The following RHOBTB1 variants were observed in gnomAD, a reference collection of about 807,000 sequenced individuals.
RHOBTB1 encodes the protein Rho related BTB domain containing 1, also known as rho-related BTB domain-containing protein 1.
In RHOBTB1, 40 loss-of-function variants were observed where a neutral mutation model predicts 71.6. That is an observed-to-expected ratio of 0.56 (90% CI 0.43 to 0.73). The LOEUF (loss-of-function observed/expected upper bound fraction) is 0.73, where lower values mean the gene tolerates loss of function less well. Ranked by LOEUF, RHOBTB1 falls within the 30% of genes least tolerant of loss-of-function variation. The pLI is 0.00. For synonymous variants in RHOBTB1, 319 were observed against 334.9 expected (o/e 0.95, Z 0.52); for missense variants, 797 against 894.0 (o/e 0.89, Z 1.38).
chr10:60,915,766 C>A (rs2083238834), intron 2 of RHOBTB1, among the ~76,000 whole-genome samples: 2 of 152,136 alleles, frequency 1.3e-5, no homozygotes, highest in African/African-American at 4.8e-5. Context: ...CCTATACCTG[C>A]CCGCTATTAT....
rs150437557 is a variant in RHOBTB1 at position 60,957,459 on chromosome 10, T to TG, written c.-61-15606dup. Among the ~76,000 whole-genome samples, 1,129 of 152,306 alleles carry TG rather than the reference T, an allele frequency of 7.4e-3. 8 individuals are homozygous for TG. Among genetic ancestry groups the TG allele is most frequent in the African/African-American group, 0.026 (1,081 of 41,570 alleles). ...GTCGTATGTGCTGTTCACAGTTGACTGAAATGTCATTATATGGTGCAGGAC... is the reference window on the plus strand; with the variant it reads ...GTCGTATGTGCTGTTCACAGTTGACTGGAAATGTCATTATATGGTGCAGGAC... On this transcript the variant is annotated intron_variant, in intron 2 of 11. Coordinates refer to the RHOBTB1 transcript ENST00000357917.
In RHOBTB1 at chr10:60,990,044, G is replaced by A. The variant is rs186783420; in HGVS notation, c.-162-4099C>T. Among the ~76,000 whole-genome samples the A allele has an allele frequency of 8.4e-4, 124 of 147,440 alleles. 2 individuals carry two copies. In the East Asian group the frequency reaches 8.9e-3, roughly 11 times the overall value. On this transcript the variant is annotated intron_variant, in intron 1 of 11. Transcript: ENST00000357917. ...GTCGCCTAGGCTGGAGTGCAGTGGC[G>A]CGATCTCGGCTCACTGCAAGCTCCG... is the stretch of plus-strand genomic sequence containing the variant.
At chr10:60,933,092 C>A (rs1290665095) in intron 2 of RHOBTB1, among the ~76,000 whole-genome samples, 1 of 152,182 alleles carries the variant, frequency 6.6e-6, no homozygotes, top group Non-Finnish European at 1.5e-5. Flanking sequence ...AACGTTAGAC[C>A]ATAAATGCAA....
intron 7 of RHOBTB1, 55 bp downstream of exon 7, chr10:60,886,057 C>T: frequency 7.7e-7 from 1 of 1,297,324 alleles, no homozygotes; most frequent in East Asian, 2.3e-5. Context: ...TATATAAATA[C>T]ACAGGCACAC....
intron 2 of RHOBTB1, among the ~76,000 whole-genome samples, chr10:60,972,596 G>A (rs1407327748): frequency 2.0e-5 from 3 of 152,010 alleles, no homozygotes; most frequent in Admixed American, 1.3e-4. Context: ...ATGACAGGTT[G>A]ATGGGTGCAG....
chr10:60,894,760 T>C (rs754215497), intron 4 of RHOBTB1, among the ~76,000 whole-genome samples: 28 of 152,218 alleles, frequency 1.8e-4, no homozygotes, highest in Non-Finnish European at 3.7e-4. Flanking sequence ...TGAGGAAATA[T>C]ATCCAGCACC....
intron 2 of RHOBTB1, among the ~76,000 whole-genome samples, chr10:60,936,068 A>G (rs919958560): frequency 2.0e-5 from 3 of 152,262 alleles, no homozygotes; most frequent in Non-Finnish European, 2.9e-5. Flanking sequence ...TATGAATAGT[A>G]CATTTGAAAA....
At chr10:60,873,746 C>T (rs574389566) in intron 9 of RHOBTB1, among the ~76,000 whole-genome samples, 1 of 152,344 alleles carries the variant, frequency 6.6e-6, no homozygotes, top group South Asian at 2.1e-4. Flanking sequence ...GATTCGACTG[C>T]ATTAGATGTC....
intron 2 of RHOBTB1, among the ~76,000 whole-genome samples, chr10:60,923,650 CA>C (rs1288894321): frequency 1.3e-5 from 2 of 152,178 alleles, no homozygotes; most frequent in Non-Finnish European, 2.9e-5. Context: ...ATCCAAATCT[CA>C]TCCTGAATTG....
chr10:60,907,789 C>T (rs561930150), intron 4 of RHOBTB1, among the ~76,000 whole-genome samples: 2 of 152,148 alleles, frequency 1.3e-5, no homozygotes, highest in Non-Finnish European at 2.9e-5. Context: ...TGTAGGGTCC[C>T]AGTAGGTTGA....
rs557233510 is a variant in RHOBTB1, at chr10:60,880,965, T to C, written c.1576-2907A>G. ...AATAATGTTTGGATTAGTGATATGG[T>C]TTGGCTGTGCCCCACTCAAATCCCA... On this transcript the variant is annotated intron_variant, in intron 7 of 10. Coordinates refer to ENST00000337910, the MANE Select transcript of RHOBTB1 (RefSeq NM_014836.5). Among the ~76,000 whole-genome samples, 239 of 152,364 alleles carry C rather than the reference T, an allele frequency of 1.6e-3. 2 individuals carry two copies. The highest frequency in any genetic ancestry group is 5.4e-3 in the African/African-American group (225 of 41,594).
chr10:60,993,666 T>G (rs918215930), intron 1 of RHOBTB1, among the ~76,000 whole-genome samples: 3 of 152,104 alleles, frequency 2.0e-5, no homozygotes, highest in Non-Finnish European at 4.4e-5. Flanking sequence ...TCTTACCTAT[T>G]TGAAATACAT....
At chr10:60,919,297 T>G (rs577886129) in intron 2 of RHOBTB1, among the ~76,000 whole-genome samples, 6 of 151,738 alleles carry the variant, frequency 4.0e-5, no homozygotes, top group Middle Eastern at 6.8e-3. Context: ...GAGTTAGCCC[T>G]GAAATAAAAA....
chr10:60,901,321 A>C (rs1009849799), intron 4 of RHOBTB1, among the ~76,000 whole-genome samples: 3 of 152,212 alleles, frequency 2.0e-5, no homozygotes, highest in Non-Finnish European at 4.4e-5. Context: ...TTACTGGTAG[A>C]ATTGTTGTTA....
intron 8 of RHOBTB1, 92 bp from the exon 9 acceptor site, chr10:60,875,134 G>T: frequency 1.2e-6 from 1 of 858,066 alleles, no homozygotes; most frequent in Non-Finnish European, 2.0e-6. Flanking sequence ...GACTTAAGAA[G>T]GGAGGAAATG....
At chr10:60,907,098 T>G (rs187718533) in intron 4 of RHOBTB1, among the ~76,000 whole-genome samples, 40 of 152,306 alleles carry the variant, frequency 2.6e-4, no homozygotes, top group African/African-American at 8.7e-4. Flanking sequence ...GTGACTTTGC[T>G]CCTCCTTTGC....
intron 4 of RHOBTB1, among the ~76,000 whole-genome samples, chr10:60,907,205 T>C (rs1252928179): frequency 6.6e-6 from 1 of 152,234 alleles, no homozygotes. Context: ...AATATGTCTT[T>C]ATTACCAGTG....
intron 4 of RHOBTB1, among the ~76,000 whole-genome samples, chr10:60,899,791 A>G (rs1446317752): frequency 6.6e-6 from 1 of 152,254 alleles, no homozygotes; most frequent in Non-Finnish European, 1.5e-5. Flanking sequence ...TCTAGTGAAG[A>G]CAGACAATCA....
intron 2 of RHOBTB1, among the ~76,000 whole-genome samples, chr10:60,922,162 C>T (rs75072181): frequency 6.6e-6 from 1 of 152,140 alleles, no homozygotes; most frequent in Non-Finnish European, 1.5e-5. Context: ...AAGGGATTCT[C>T]AGCGCTTTTT....
Sources: allele counts gnomAD v4.1 joint callset (sites outside exome capture counted in the v4.1 genomes callset), GRCh38; gene constraint gnomAD v4.1.1; transcripts MANE v1.5; gene names NCBI Gene and HGNC (gene_info 2026-07-23, HGNC 2026-07-21).